Variants in EXOC3 observed in about 807,000 individuals in gnomAD.
EXOC3 encodes the protein SEC6-like 1.
In EXOC3, 21 loss-of-function variants were observed where a neutral mutation model predicts 73.7. The ratio of observed to expected loss-of-function variants is 0.29; its 90% CI spans 0.20 to 0.41. The LOEUF is 0.41. Ranked by LOEUF, EXOC3 falls within the 10% of genes least tolerant of loss-of-function variation. The pLI is 1.00. For synonymous variants in EXOC3, 410 were observed against 389.1 expected, an observed-to-expected ratio of 1.05 and a Z score of -0.63; for missense variants, 842 against 985.1, an observed-to-expected ratio of 0.85 and a Z score of 1.95.
intron 7 of EXOC3, among the ~76,000 whole-genome samples, chr5:460,081 C>G (rs981746117): frequency 6.6e-6 from 1 of 152,208 alleles, no homozygotes; most frequent in Non-Finnish European, 1.5e-5. Flanking sequence ...ATTTGCGACC[C>G]TCTCTGAAGC....
At chr5:465,673 G>A (rs554824394) in intron 11 of EXOC3, 45 bp from the exon 12 acceptor site, 8 of 1,611,542 alleles carry the variant, frequency 5.0e-6, no homozygotes, top group Admixed American at 3.3e-5. Flanking sequence ...TCCCAGCGCC[G>A]CGGGACAGCC....
chr5:456,165 G>A (rs1182498748), intron 4 of EXOC3, among the ~76,000 whole-genome samples: 1 of 152,142 alleles, frequency 6.6e-6, no homozygotes. Flanking sequence ...AAAATCCTCC[G>A]TAGCCCAAGT....
At chr5:445,175 C>T (rs1333279639) in intron 1 of EXOC3, 1 of 152,192 alleles carries the variant, frequency 6.6e-6, no homozygotes. Flanking sequence ...TGTGTTAGCT[C>T]CCCGAGGAGG....
In EXOC3 at chr5:446,862, GA is replaced by G. The variant is rs539873791; in HGVS notation, c.144+523del. Among the ~76,000 whole-genome samples, 171 of 146,518 alleles carry G rather than the reference GA, an allele frequency of 1.2e-3. 2 individuals are homozygous for G. The highest frequency in any genetic ancestry group is 6.7e-3 in the South Asian group (31 of 4,636). ...ACAGAGTGAGACTCTGTCTCAAAAA[GA>G]AAAAAAAAACACAGAAACAAAAACA... is the stretch of plus-strand genomic sequence containing the variant. On this transcript the variant is annotated intron_variant, in intron 2 of 12. Coordinates refer to ENST00000512944, the MANE Select transcript of EXOC3 (RefSeq NM_007277.5).
At chr5:460,096 G>C (rs1737940732) in intron 7 of EXOC3, among the ~76,000 whole-genome samples, 1 of 152,188 alleles carries the variant, frequency 6.6e-6, no homozygotes. Flanking sequence ...TGAAGCCACT[G>C]CAGTGCCATC....
At chr5:464,258 G>C (rs560355774) in intron 9 of EXOC3, 32 bp from the exon 10 acceptor site, 2 of 1,606,880 alleles carry the variant, frequency 1.2e-6, no homozygotes, top group East Asian at 4.5e-5. Context: ...ACGTTGAGGT[G>C]ATGATTTCTA....
intron 10 of EXOC3, 29 bp downstream of exon 10, chr5:464,441 C>T (rs1331526467): frequency 6.2e-7 from 1 of 1,609,516 alleles, no homozygotes; most frequent in Non-Finnish European, 8.5e-7. Flanking sequence ...GTTCCCTCAT[C>T]ACCTTGACGC....
chr5:454,109 C>G, intron 4 of EXOC3, 58 bp downstream of exon 4: 1 of 1,399,044 alleles, frequency 7.1e-7, no homozygotes, highest in East Asian at 2.5e-5. Flanking sequence ...GTGAGAGGGG[C>G]CTGCAGCTGC....
At chr5:443,599 C>A (rs922409417) in intron 1 of EXOC3, among the ~76,000 whole-genome samples, 2 of 151,942 alleles carry the variant, frequency 1.3e-5, no homozygotes, top group African/African-American at 4.8e-5. Context: ...CCCCACGCCC[C>A]AGGCGCTGGT....
intron 4 of EXOC3, among the ~76,000 whole-genome samples, chr5:454,587 C>T (rs756415995): frequency 9.9e-5 from 15 of 152,188 alleles, no homozygotes; most frequent in Non-Finnish European, 2.1e-4. Context: ...CGAGGAAACT[C>T]CATCATCCTT....
At position 465,731 on chromosome 5, in the gene EXOC3, A is replaced by G. The variant is rs1316448066; in HGVS notation, c.1952A>G (p.Asp651Gly). The G allele has an allele frequency of 6.2e-7, 1 of 1,613,730 alleles. No individual in the cohort carries two copies. The highest frequency in any genetic ancestry group is 1.3e-5 in the African/African-American group (1 of 74,934). ...FRKLASGFGE[D>G]VDGYCDTIVA... ...GCTGCCTTCCAGGGTTTCGGGGAAGACGTGGACGGATACTGCGACACCATC... is the reference window on the plus strand; with the variant it reads ...GCTGCCTTCCAGGGTTTCGGGGAAGGCGTGGACGGATACTGCGACACCATC... Residue 651 changes from aspartate to glycine, a missense_variant, in exon 12 of 13, where the codon GAC (aspartate) becomes GGC (glycine). Transcript: ENST00000512944.
intron 1 of EXOC3, among the ~76,000 whole-genome samples, chr5:445,256 C>T (rs1737471559): frequency 6.6e-6 from 1 of 151,814 alleles, no homozygotes; most frequent in Non-Finnish European, 1.5e-5. Flanking sequence ...ACGGGGCCTG[C>T]ATAAAGGAGG....
At chr5:462,458 G>A (rs1466312818) in intron 9 of EXOC3, 151 bp downstream of exon 9, 6 of 802,538 alleles carry the variant, frequency 7.5e-6, no homozygotes, top group South Asian at 3.3e-5. Context: ...CGCTTAAAGC[G>A]CCTCCGTTTT....
chr5:458,055 C>T (rs1222135618), intron 6 of EXOC3, 30 bp downstream of exon 6: 8 of 1,605,292 alleles, frequency 5.0e-6, no homozygotes, highest in African/African-American at 2.7e-5. Context: ...GGCACAGTTC[C>T]GTTTCCTAGG....
In EXOC3 at chr5:467,216, C is replaced by A; in HGVS notation, c.*318C>A. ...CTCCCTGCCCTCCTCCTCCCTGGGC[C>A]TTCACCGCACCCCATCTGCTTAAGT... On this transcript the variant is annotated 3_prime_UTR_variant, in exon 13 of 13. Transcript: ENST00000512944. 1 of 324,818 alleles carries A rather than the reference C, an allele frequency of 3.1e-6. No individual in the cohort carries two copies. Among genetic ancestry groups the A allele is most frequent in the Non-Finnish European group, 5.6e-6 (1 of 177,088 alleles). 20.1% of individuals were successfully genotyped at this position (324,818 alleles called of 1,614,324 possible). A position where few individuals can be genotyped will look rare whatever the true frequency, so the allele number is the denominator to read the frequency against.
At chr5:452,230 C>T (rs1737679109) in intron 3 of EXOC3, among the ~76,000 whole-genome samples, 1 of 152,154 alleles carries the variant, frequency 6.6e-6, no homozygotes, top group African/African-American at 2.4e-5. Flanking sequence ...AATCTTTTTT[C>T]TTTCTGTTCC....
intron 7 of EXOC3, among the ~76,000 whole-genome samples, chr5:459,776 G>A (rs1737929396): frequency 6.6e-6 from 1 of 152,186 alleles, no homozygotes; most frequent in Non-Finnish European, 1.5e-5. Context: ...TGGGGTGGGG[G>A]TGGCGACTCC....
chr5:456,627 C>T (rs1015677795), intron 4 of EXOC3, among the ~76,000 whole-genome samples: 3 of 152,168 alleles, frequency 2.0e-5, no homozygotes, highest in Non-Finnish European at 2.9e-5. Context: ...GCCACAGAGA[C>T]CCCAAAGCCC....
At position 453,468 on chromosome 5, in the gene EXOC3, C is replaced by T. The variant is rs6871053; in HGVS notation, c.463C>T (p.Leu155=). 24,784 of 1,613,514 alleles carry T rather than the reference C, an allele frequency of 0.015. 418 individuals are homozygous for T. Among genetic ancestry groups the T allele is most frequent in the Admixed American group, 0.064 (3,810 of 59,904 alleles). Residue 155 remains leucine, a synonymous_variant, in exon 4 of 13, where the codon CTG becomes TTG. Transcript: ENST00000512944. ...LMDLECSRDG[L]MYEQYRMDSG... The stretch of plus-strand genomic sequence containing the variant: ...GGACCTGGAGTGCTCCCGGGACGGG[C>T]TGATGTACGAGCAGTACCGCATGGA...
Sources: allele counts gnomAD v4.1 joint callset (sites outside exome capture counted in the v4.1 genomes callset), GRCh38; gene constraint gnomAD v4.1.1; transcripts MANE v1.5; gene names NCBI Gene and HGNC (gene_info 2026-07-23, HGNC 2026-07-21).